Variants in DECR1 observed in about 807,000 individuals in gnomAD.
DECR1 encodes the protein 2,4-dienoyl-CoA reductase [(3E)-enoyl-CoA-producing], mitochondrial.
A neutral mutation model predicts 38.8 loss-of-function variants in DECR1; 44 were observed. That is an observed-to-expected ratio of 1.13 (90% CI 0.89 to 1.46). The LOEUF (loss-of-function observed/expected upper bound fraction) is 1.46, where lower values mean the gene tolerates loss of function less well. Ranked by LOEUF, DECR1 falls within the 40% of genes most tolerant of loss-of-function variation. The pLI is 0.00. For synonymous variants in DECR1, 148 were observed against 135.2 expected, an observed-to-expected ratio of 1.09 and a Z score of -0.66; for missense variants, 428 against 405.5, an observed-to-expected ratio of 1.06 and a Z score of -0.48.
At chr8:90,006,197 G>C (rs936610211) in intron 1 of DECR1, 1 of 703,936 alleles carries the variant, frequency 1.4e-6, no homozygotes, top group African/African-American at 1.7e-5. Context: ...ACAGAAAGAA[G>C]CCTGGAGTTG....
chr8:90,034,566 C>T (rs1411655923), intron 5 of DECR1, among the ~76,000 whole-genome samples: 1 of 152,128 alleles, frequency 6.6e-6, no homozygotes, highest in Non-Finnish European at 1.5e-5. Context: ...ATTCTCCTGC[C>T]TCAGCCTCCT....
Position 90,001,501 on chromosome 8 carries a change from A to ATG in DECR1, c.9_10insTG (p.Pro4CysfsTer73). The ATG allele has an allele frequency of 6.2e-7, 1 of 1,613,980 alleles. No individual in the cohort carries two copies. Among genetic ancestry groups the ATG allele is most frequent in the Admixed American group, 1.7e-5 (1 of 60,036 alleles). ...AGTTCTGGAGACTCAACATGAAGCT[A>ATG]CCGGCCAGGGTTTTCTTTACTCTGG... On this transcript the variant is annotated frameshift_variant, in exon 1 of 10. Coordinates refer to ENST00000220764, the MANE Select transcript of DECR1 (RefSeq NM_001359.2). LOFTEE classifies it high-confidence loss of function.
In DECR1 at chr8:90,013,848, G is replaced by C. The variant is rs578113719; in HGVS notation, c.70-3276G>C. On this transcript the variant is annotated intron_variant, in intron 1 of 9. Coordinates refer to ENST00000220764, the MANE Select transcript of DECR1 (RefSeq NM_001359.2). ...GATATACAGTCCTTATCCTTGAGGG[G>C]AAGGTGCAGTGTCAACTCTCAGAAC... is the stretch of plus-strand genomic sequence containing the variant. Among the ~76,000 whole-genome samples, 7 of 152,266 alleles carry C rather than the reference G, an allele frequency of 4.6e-5. No homozygotes were observed. In the East Asian group the frequency reaches 1.4e-3, roughly 29 times the overall value.
intron 5 of DECR1, among the ~76,000 whole-genome samples, chr8:90,022,123 A>G (rs183320582): frequency 1.3e-5 from 2 of 152,246 alleles, no homozygotes; most frequent in Admixed American, 6.5e-5. Context: ...GAAGGTGGAG[A>G]GTATTTTAAA....
chr8:90,047,304 C>T (rs1813935587), intron 8 of DECR1, among the ~76,000 whole-genome samples: 1 of 152,024 alleles, frequency 6.6e-6, no homozygotes, highest in African/African-American at 2.4e-5. Context: ...CATGCAGAGA[C>T]ACACATAGGC....
chr8:90,005,609 G>C (rs1221878287), intron 1 of DECR1: 1 of 372,384 alleles, frequency 2.7e-6, no homozygotes, highest in East Asian at 7.2e-5. Flanking sequence ...CCAAAAGGAA[G>C]AAGACCAAGG....
chr8:90,034,700 C>T (rs571902800), intron 5 of DECR1, among the ~76,000 whole-genome samples: 1 of 152,116 alleles, frequency 6.6e-6, no homozygotes, highest in Non-Finnish European at 1.5e-5. Context: ...GATTTGCTCC[C>T]CTTGGTCTCC....
At chr8:90,023,213 GT>G (rs1285423782) in intron 5 of DECR1, among the ~76,000 whole-genome samples, 1 of 152,174 alleles carries the variant, frequency 6.6e-6, no homozygotes, top group Non-Finnish European at 1.5e-5. Context: ...CATTGTACAT[GT>G]TTTGTTAACT....
At chr8:90,051,582 A>C in intron 8 of DECR1, 95 bp from the exon 9 acceptor site, 3 of 920,866 alleles carry the variant, frequency 3.3e-6, no homozygotes, top group Non-Finnish European at 5.1e-6. Flanking sequence ...AGTGCCAAAG[A>C]GATATTCCAT....
In DECR1 at chr8:90,042,521, G is replaced by C. The variant is rs1813786743; in HGVS notation, c.666-207G>C. ...GACTGAAGCTAGACCTCTTGAGATT[G>C]ACAAATTGGCCATATGACATAGAGA... On this transcript the variant is annotated intron_variant, in intron 6 of 9. Coordinates refer to ENST00000220764, the MANE Select transcript of DECR1 (RefSeq NM_001359.2). 1.2e-5 allele frequency: 7 copies of C among 571,012 alleles called. No individual in the cohort carries two copies. The South Asian group carries it at 1.5e-4, about 12-fold the overall frequency. 35.4% of individuals were successfully genotyped at this position (571,012 alleles called of 1,614,324 possible). A position where few individuals can be genotyped will look rare whatever the true frequency, so the allele number is the denominator to read the frequency against.
At chr8:90,036,160 GC>G (rs1291421812) in intron 5 of DECR1, among the ~76,000 whole-genome samples, 2 of 152,046 alleles carry the variant, frequency 1.3e-5, no homozygotes, top group Non-Finnish European at 2.9e-5. Context: ...TAATATCTCT[GC>G]CTACTTTCCT....
At chr8:90,029,229 A>G (rs1813432658) in intron 5 of DECR1, 2 of 152,230 alleles carry the variant, frequency 1.3e-5, no homozygotes, top group African/African-American at 4.8e-5. Flanking sequence ...ATATTTAGTA[A>G]CAGAACAAGG....
intron 1 of DECR1, among the ~76,000 whole-genome samples, chr8:90,008,631 ATGT>A (rs879832130): frequency 1.3e-5 from 2 of 152,184 alleles, no homozygotes; most frequent in Admixed American, 6.5e-5. Flanking sequence ...GTCCAAGCTC[ATGT>A]TGTTGGGCAA....
rs971554374 is a variant in DECR1, at chr8:90,052,338, C to A, written c.*441C>A. On this transcript the variant is annotated 3_prime_UTR_variant, in exon 10 of 10. Coordinates refer to ENST00000220764, the MANE Select transcript of DECR1 (RefSeq NM_001359.2). ...AGACTTTGCCTTTCCAGTATACTTT[C>A]TTTTCACTGGACTTGTGAATTATCT... 3.3e-5 allele frequency among the ~76,000 whole-genome samples: 5 copies of A among 152,140 alleles called. No individual in the cohort carries two copies. The highest frequency in any genetic ancestry group is 2.6e-4 in the Admixed American group (4 of 15,270).
At chr8:90,001,963 T>G (rs1304929408) in intron 1 of DECR1, among the ~76,000 whole-genome samples, 1 of 150,740 alleles carries the variant, frequency 6.6e-6, no homozygotes, top group Admixed American at 6.6e-5. Context: ...CAGGGCGTTT[T>G]GGGGCGCAGA....
At chr8:90,023,926 T>C (rs916908592) in intron 5 of DECR1, among the ~76,000 whole-genome samples, 6 of 152,112 alleles carry the variant, frequency 3.9e-5, no homozygotes, top group African/African-American at 1.4e-4. Flanking sequence ...GTCCAAGTGT[T>C]CTTATTGTTC....
intron 1 of DECR1, among the ~76,000 whole-genome samples, chr8:90,004,641 T>G (rs1423983455): frequency 2.0e-5 from 3 of 152,190 alleles, no homozygotes; most frequent in Non-Finnish European, 4.4e-5. Context: ...ACCAACTAGA[T>G]GTGTTTTCTT....
intron 6 of DECR1, among the ~76,000 whole-genome samples, chr8:90,041,829 G>A (rs1813771583): frequency 6.6e-6 from 1 of 151,892 alleles, no homozygotes; most frequent in African/African-American, 2.4e-5. Context: ...TCGTTATCCT[G>A]GCTTTTCTCT....
intron 1 of DECR1, among the ~76,000 whole-genome samples, chr8:90,015,197 C>T (rs540709187): frequency 1.3e-5 from 2 of 152,182 alleles, no homozygotes; most frequent in African/African-American, 4.8e-5. Context: ...ATAATCTCAT[C>T]ACTTAACCAT....
Sources: allele counts gnomAD v4.1 joint callset (sites outside exome capture counted in the v4.1 genomes callset), GRCh38; gene constraint gnomAD v4.1.1; transcripts MANE v1.5; gene names NCBI Gene and HGNC (gene_info 2026-07-23, HGNC 2026-07-21).